The following TAB2 variants were observed in gnomAD, a reference collection of about 807,000 sequenced individuals.
TAB2 encodes the protein TGF-beta-activated kinase 1 and MAP3K7-binding protein 2.
TAB2 carries 3 observed loss-of-function variants against 65.0 expected under a neutral mutation model. The ratio of observed to expected loss-of-function variants is 0.05; its 90% CI spans 0.02 to 0.12. TAB2 has a LOEUF of 0.12. TAB2 is among the 10% of genes least tolerant of loss of function. TAB2 has a pLI of 1.00. For synonymous variants in TAB2, 298 were observed against 285.1 expected (o/e 1.05, Z -0.46); for missense variants, 623 against 840.3 (o/e 0.74, Z 3.20).
At chr6:149,348,614 GA>G (rs112125616) in intron 1 of TAB2, among the ~76,000 whole-genome samples, 16 of 146,292 alleles carry the variant, frequency 1.1e-4, no homozygotes, top group African/African-American at 2.5e-4. Context: ...GGGCTTATGG[GA>G]AAAAAAAAAG....
chr6:149,278,110 T>C (rs186279966), intron 1 of TAB2, among the ~76,000 whole-genome samples: 195 of 152,356 alleles, frequency 1.3e-3, no homozygotes, highest in African/African-American at 4.4e-3. Flanking sequence ...ATCATTGTAT[T>C]TTCTCTTACC....
intron 1 of TAB2, among the ~76,000 whole-genome samples, chr6:149,322,609 C>G (rs531413130): frequency 6.6e-5 from 10 of 152,060 alleles, no homozygotes; most frequent in African/African-American, 1.7e-4. Flanking sequence ...AGCTTGTTTT[C>G]TTCTGTGTAA....
intron 1 of TAB2, among the ~76,000 whole-genome samples, chr6:149,248,912 C>T (rs1007060607): frequency 6.6e-6 from 1 of 152,094 alleles, no homozygotes; most frequent in African/African-American, 2.4e-5. Flanking sequence ...ACAGTTCTGC[C>T]TCTTAAAGGA....
At chr6:149,358,638 C>CTGTGTGTGTGTGTGTGTGTG (rs1246116686) in intron 1 of TAB2, among the ~76,000 whole-genome samples, 1 of 12,332 alleles carries the variant, frequency 8.1e-5, no homozygotes, top group Non-Finnish European at 2.5e-4. Context: ...CTCTTCAGAA[C>CTGTGTGTGTGTGTGTGTGTG]TCTGTGTGTG....
At chr6:149,387,775 C>T (rs1781852302) in intron 3 of TAB2, among the ~76,000 whole-genome samples, 1 of 151,914 alleles carries the variant, frequency 6.6e-6, no homozygotes, top group Admixed American at 6.6e-5. Flanking sequence ...TCAAACAGTT[C>T]ATTTTGTATT....
intron 1 of TAB2, among the ~76,000 whole-genome samples, chr6:149,262,634 C>A (rs1257277845): frequency 6.6e-6 from 1 of 152,008 alleles, no homozygotes; most frequent in Non-Finnish European, 1.5e-5. Context: ...TGGCTGAATG[C>A]AAATCCTTGC....
chr6:149,231,328 C>T (rs1004691136), intron 1 of TAB2, among the ~76,000 whole-genome samples: 4 of 152,178 alleles, frequency 2.6e-5, no homozygotes, highest in Non-Finnish European at 5.9e-5. Flanking sequence ...ACTTTATTTT[C>T]TGTTCCATAG....
intron 3 of TAB2, 82 bp from the exon 4 acceptor site, chr6:149,397,522 T>C: frequency 6.7e-7 from 1 of 1,495,422 alleles, no homozygotes; most frequent in Non-Finnish European, 9.3e-7. Context: ...TTCTGACAAA[T>C]TCTTGTTTGC....
chr6:149,350,457 T>C (rs1025716670), intron 1 of TAB2, among the ~76,000 whole-genome samples: 1 of 152,128 alleles, frequency 6.6e-6, no homozygotes, highest in Non-Finnish European at 1.5e-5. Context: ...AATGGCTACT[T>C]TGGAAACTGG....
At chr6:149,324,181 G>C (rs781200117) in intron 1 of TAB2, among the ~76,000 whole-genome samples, 4 of 152,118 alleles carry the variant, frequency 2.6e-5, no homozygotes, top group Non-Finnish European at 4.4e-5. Context: ...AGATAATAAA[G>C]TAGAGGTTGG....
intron 1 of TAB2, among the ~76,000 whole-genome samples, chr6:149,252,108 T>C (rs1777874057): frequency 6.6e-6 from 1 of 152,118 alleles, no homozygotes; most frequent in Admixed American, 6.6e-5. Context: ...AGAAAAGCAA[T>C]GAACCTTAAG....
chr6:149,301,907 T>C lies in TAB2; in HGVS notation c.-120-76111T>C, dbSNP rs138847044. ...TGAAAGATTATGGCACGTTTGCTCA[T>C]TAAATTCTTATATCATTTAATACAA... On this transcript the variant is annotated intron_variant, in intron 1 of 1. Transcript: ENST00000606202. 2.7e-3 allele frequency among the ~76,000 whole-genome samples: 412 copies of C among 152,362 alleles called. 2 individuals are homozygous for C. Among genetic ancestry groups the C allele is most frequent in the African/African-American group, 9.5e-3 (397 of 41,586 alleles).
intron 2 of TAB2, among the ~76,000 whole-genome samples, chr6:149,372,208 G>A (rs1781252292): frequency 6.6e-6 from 1 of 152,022 alleles, no homozygotes; most frequent in Non-Finnish European, 1.5e-5. Flanking sequence ...GCACTCTAAT[G>A]TACTCTTACA....
intron 1 of TAB2, among the ~76,000 whole-genome samples, chr6:149,354,317 G>T (rs371279045): frequency 8.5e-5 from 13 of 152,058 alleles, no homozygotes; most frequent in East Asian, 5.8e-4. Context: ...CAAAACTTTT[G>T]ATTAAATATA....
At chr6:149,293,371 TGC>T in intron 1 of TAB2, among the ~76,000 whole-genome samples, 1 of 152,214 alleles carries the variant, frequency 6.6e-6, no homozygotes, top group Admixed American at 6.5e-5. Flanking sequence ...GGCTGGAAAG[TGC>T]AATTGAAATT....
chr6:149,399,291 C>A, intron 6 of TAB2, 107 bp downstream of exon 6: 1 of 810,642 alleles, frequency 1.2e-6, no homozygotes, highest in Non-Finnish European at 2.1e-6. Context: ...CAAACTTTGG[C>A]ATTCTTAAAT....
rs1441554542 is a variant in TAB2, at chr6:149,268,653, C to T, written c.-121+49877C>T. On this transcript the variant is annotated intron_variant, in intron 1 of 1. Transcript: ENST00000606202. The stretch of plus-strand genomic sequence containing the variant: ...GTGTCTTTGCATACATGGAGAACCA[C>T]TGCCTAGCAAATCATATTTATTTTC... Among the ~76,000 whole-genome samples the T allele has an allele frequency of 2.0e-5, 3 of 152,214 alleles. No individual in the cohort carries two copies. The East Asian group carries it at 5.8e-4, about 29-fold the overall frequency.
chr6:149,354,224 C>T (rs1383706483), intron 1 of TAB2, among the ~76,000 whole-genome samples: 1 of 152,176 alleles, frequency 6.6e-6, no homozygotes, highest in Non-Finnish European at 1.5e-5. Context: ...TATGTTACCA[C>T]ATCAGTTTAT....
intron 1 of TAB2, among the ~76,000 whole-genome samples, chr6:149,330,069 C>T (rs1472958495): frequency 6.7e-6 from 1 of 150,072 alleles, no homozygotes; most frequent in African/African-American, 2.5e-5. Context: ...ATAAATCGTA[C>T]GTGATGTTAC....
Sources: gnomAD v4.1 joint callset for allele counts (sites outside exome capture counted in the v4.1 genomes callset) on GRCh38, gnomAD v4.1.1 for gene constraint, MANE v1.5 for transcripts, NCBI Gene and HGNC (gene_info 2026-07-23, HGNC 2026-07-21) for gene names.